The following NAALADL2 variants were observed in gnomAD, a reference collection of about 807,000 sequenced individuals.
NAALADL2 encodes the protein N-acetylated alpha-linked acidic dipeptidase like 2, also known as inactive N-acetylated-alpha-linked acidic dipeptidase-like protein 2.
Under a neutral mutation model 87.2 loss-of-function variants are expected in NAALADL2, and 76 were observed. The observed-to-expected ratio is 0.87, with a 90% CI of 0.72 to 1.05. The LOEUF is 1.05. Among genes scored for constraint, NAALADL2 ranks in the 50% least tolerant of loss-of-function variants. The probability of loss-of-function intolerance (pLI) is 0.00; values close to 1 mark genes in which losing one functional copy is unlikely to be tolerated. For synonymous variants in NAALADL2, 354 were observed against 331.0 expected, an observed-to-expected ratio of 1.07 and a Z score of -0.75; for missense variants, 1,089 against 945.8, an observed-to-expected ratio of 1.15 and a Z score of -1.99.
Position 174,456,777 on chromosome 3 carries a change from C to T in NAALADL2, c.-184+15745C>T, listed in dbSNP as rs548020423. ...AAACTATAAAAACCCTGGAACACAA[C>T]CTAGGCAATACCATTCTGGACACAG... is the stretch of plus-strand genomic sequence containing the variant. On this transcript the variant is annotated intron_variant, in intron 1 of 3. Coordinates refer to the NAALADL2 transcript ENST00000434257. Among the ~76,000 whole-genome samples, 3 of 152,192 alleles carry T rather than the reference C, an allele frequency of 2.0e-5. No homozygotes were observed. In the East Asian group the frequency reaches 5.8e-4, roughly 29 times the overall value.
intron 2 of NAALADL2, among the ~76,000 whole-genome samples, chr3:174,722,421 G>A (rs1731790579): frequency 6.6e-6 from 1 of 152,160 alleles, no homozygotes; most frequent in Admixed American, 6.5e-5. Flanking sequence ...ACGTAGGGTG[G>A]GCTGGGTGTG....
intron 11 of NAALADL2, among the ~76,000 whole-genome samples, chr3:175,632,774 T>G (rs1310398867): frequency 6.6e-6 from 1 of 152,104 alleles, no homozygotes; most frequent in Non-Finnish European, 1.5e-5. Context: ...GAGCACCTAG[T>G]CAGATACATC....
At chr3:174,591,658 A>G (rs1717372213) in intron 2 of NAALADL2, among the ~76,000 whole-genome samples, 2 of 152,216 alleles carry the variant, frequency 1.3e-5, no homozygotes, top group African/African-American at 4.8e-5. Context: ...GATACTATCT[A>G]AAGACTTGCC....
intron 1 of NAALADL2, among the ~76,000 whole-genome samples, chr3:174,989,371 A>C (rs1205276787): frequency 6.6e-6 from 1 of 152,200 alleles, no homozygotes. Context: ...TCCACACTTT[A>C]CATTTAATGG....
At chr3:175,649,737 A>G (rs1478620752) in intron 11 of NAALADL2, among the ~76,000 whole-genome samples, 2 of 152,114 alleles carry the variant, frequency 1.3e-5, no homozygotes, top group African/African-American at 4.8e-5. Flanking sequence ...ACTTAACTTT[A>G]ATTACTTCCT....
chr3:175,292,349 A>G (rs1176535024), intron 4 of NAALADL2, among the ~76,000 whole-genome samples: 1 of 152,238 alleles, frequency 6.6e-6, no homozygotes, highest in Non-Finnish European at 1.5e-5. Flanking sequence ...TCATGGGAAT[A>G]TGAGCCAGTA....
At chr3:174,461,654 A>G (rs766416009) in intron 1 of NAALADL2, among the ~76,000 whole-genome samples, 14 of 152,136 alleles carry the variant, frequency 9.2e-5, no homozygotes, top group Non-Finnish European at 1.8e-4. Context: ...TGAATGTGAA[A>G]TAAAATTTAA....
At chr3:175,219,864 C>CTTTTTTTTTTTTTTTTTTTTTTT (rs1320578074) in intron 2 of NAALADL2, among the ~76,000 whole-genome samples, 1 of 118,712 alleles carries the variant, frequency 8.4e-6, no homozygotes, top group Non-Finnish European at 1.7e-5. Flanking sequence ...TTGTGGTTTT[C>CTTTTTTTTTTTTTTTTTTTTTTT]TTTCTTTTTT....
intron 1 of NAALADL2, among the ~76,000 whole-genome samples, chr3:174,452,246 G>A (rs1033811204): frequency 5.9e-5 from 9 of 152,150 alleles, no homozygotes; most frequent in African/African-American, 2.2e-4. Flanking sequence ...GCTAGGGCAT[G>A]TGCTTTATCT....
At chr3:174,962,036 C>T (rs1742079953) in intron 1 of NAALADL2, among the ~76,000 whole-genome samples, 1 of 151,890 alleles carries the variant, frequency 6.6e-6, no homozygotes, top group Non-Finnish European at 1.5e-5. Flanking sequence ...TCTTGGATTT[C>T]TACTCTCACT....
At chr3:175,480,830 G>T (rs1429600449) in intron 9 of NAALADL2, among the ~76,000 whole-genome samples, 1 of 151,818 alleles carries the variant, frequency 6.6e-6, no homozygotes, top group Non-Finnish European at 1.5e-5. Flanking sequence ...CTTTAACCTA[G>T]AATTTAAATA....
intron 3 of NAALADL2, among the ~76,000 whole-genome samples, chr3:174,822,470 T>C (rs6797551): frequency 0.099 from 14,988 of 152,142 alleles, 820 homozygotes; most frequent in Middle Eastern, 0.13. Flanking sequence ...TTGATCTGAC[T>C]CATGCACAGA....
At chr3:175,512,684 A>C (rs1443369100) in intron 9 of NAALADL2, among the ~76,000 whole-genome samples, 1 of 152,192 alleles carries the variant, frequency 6.6e-6, no homozygotes, top group Non-Finnish European at 1.5e-5. Flanking sequence ...GTAGGAGCCG[A>C]ACTACTATAC....
chr3:175,743,543 G>T (rs1351654525), intron 12 of NAALADL2, among the ~76,000 whole-genome samples: 1 of 152,222 alleles, frequency 6.6e-6, no homozygotes, highest in African/African-American at 2.4e-5. Context: ...TGTATGTAAT[G>T]AATGCATTAT....
In NAALADL2 at chr3:175,808,446, A is replaced by G. The variant is rs1296000277; in HGVS notation, c.*5243A>G. The G allele has an allele frequency of 6.6e-6, 1 of 152,030 alleles. No individual in the cohort carries two copies. The highest frequency in any genetic ancestry group is 1.9e-4 in the East Asian group (1 of 5,172). The allele number at this position is 152,030 out of a possible 1,614,324, so 9.4% of individuals were successfully genotyped here. Reference sequence around the variant, plus strand: ...ATCATCAAGGCCAAAGAAATGCATGATTACTCTGATTTCTTATGCACCATT... The same window carrying G: ...ATCATCAAGGCCAAAGAAATGCATGGTTACTCTGATTTCTTATGCACCATT... On this transcript the variant is annotated 3_prime_UTR_variant, in exon 14 of 14. Transcript: ENST00000454872.
In NAALADL2 at chr3:174,689,578, G is replaced by C. The variant is rs143539354; in HGVS notation, c.-114-48063G>C. 1.6e-3 allele frequency among the ~76,000 whole-genome samples: 239 copies of C among 152,082 alleles called. 5 individuals carry two copies. Among genetic ancestry groups the C allele is most frequent in the Non-Finnish European group, 5.3e-4 (36 of 68,008 alleles). On this transcript the variant is annotated intron_variant, in intron 2 of 3. Coordinates refer to the NAALADL2 transcript ENST00000434257. Reference sequence around the variant, plus strand: ...ATGTAGAATTCCAGGCCATACCCTAGATGAAAATCTCCAGGTAGTTCTCCT... The same window carrying C: ...ATGTAGAATTCCAGGCCATACCCTACATGAAAATCTCCAGGTAGTTCTCCT...
chr3:174,632,983 C>G (rs569626242), intron 2 of NAALADL2, among the ~76,000 whole-genome samples: 1 of 147,596 alleles, frequency 6.8e-6, no homozygotes, highest in Non-Finnish European at 1.5e-5. Context: ...AGCGCAATTG[C>G]TGGCTCAAAG....
intron 13 of NAALADL2, among the ~76,000 whole-genome samples, chr3:175,797,517 T>C (rs754952168): frequency 5.3e-5 from 8 of 152,082 alleles, no homozygotes; most frequent in Non-Finnish European, 8.8e-5. Context: ...ATATGAGTCC[T>C]TGTGGTTGTA....
At chr3:174,754,155 G>A (rs1435561637) in intron 3 of NAALADL2, among the ~76,000 whole-genome samples, 2 of 152,070 alleles carry the variant, frequency 1.3e-5, no homozygotes, top group African/African-American at 4.8e-5. Context: ...TCTTTTTTAA[G>A]GTAGTAAAAA....
Sources: gnomAD v4.1 joint callset for allele counts (sites outside exome capture counted in the v4.1 genomes callset) on GRCh38, gnomAD v4.1.1 for gene constraint, MANE v1.5 for transcripts, NCBI Gene and HGNC (gene_info 2026-07-23, HGNC 2026-07-21) for gene names.